Variants in PIK3R1 observed in about 807,000 individuals in gnomAD.
PIK3R1 encodes the protein phosphoinositide-3-kinase regulatory subunit 1.
A neutral mutation model predicts 98.0 loss-of-function variants in PIK3R1; 29 were observed. The ratio of observed to expected loss-of-function variants is 0.30; its 90% CI spans 0.22 to 0.40. The LOEUF is 0.40. Among genes scored for constraint, PIK3R1 ranks in the 10% least tolerant of loss-of-function variants. PIK3R1 has a pLI of 1.00. For synonymous variants in PIK3R1, 282 were observed against 311.8 expected (o/e 0.90, Z 1.01); for missense variants, 596 against 872.7 (o/e 0.68, Z 3.99).
intron 2 of PIK3R1, among the ~76,000 whole-genome samples, chr5:68,233,922 CT>C (rs1744573985): frequency 1.3e-5 from 2 of 152,102 alleles, no homozygotes; most frequent in African/African-American, 4.8e-5. Context: ...TTGTATTTGT[CT>C]GTCTATCTAT....
At chr5:68,260,548 A>T (rs1358057321) in intron 2 of PIK3R1, among the ~76,000 whole-genome samples, 1 of 152,230 alleles carries the variant, frequency 6.6e-6, no homozygotes, top group Non-Finnish European at 1.5e-5. Flanking sequence ...GGGCCCTTGG[A>T]TGCAGCCGGA....
chr5:68,250,272 G>T (rs1224078077), intron 2 of PIK3R1, among the ~76,000 whole-genome samples: 3 of 152,204 alleles, frequency 2.0e-5, no homozygotes, highest in African/African-American at 7.2e-5. Flanking sequence ...CCACGGGACA[G>T]GGGGTCCTAG....
chr5:68,263,220 C>CAT (rs1452618153), intron 2 of PIK3R1, among the ~76,000 whole-genome samples: 1 of 138,016 alleles, frequency 7.2e-6, no homozygotes, highest in African/African-American at 2.7e-5. Context: ...TATATTTCTA[C>CAT]ATATATATCT....
chr5:68,233,792 T>G (rs898795213), intron 2 of PIK3R1, among the ~76,000 whole-genome samples: 2 of 152,232 alleles, frequency 1.3e-5, no homozygotes, highest in Admixed American at 6.5e-5. Context: ...GCTGCAAACC[T>G]TTGTTTAATT....
chr5:68,291,617 T>C (rs544068018), intron 7 of PIK3R1: 2 of 152,362 alleles, frequency 1.3e-5, no homozygotes, highest in East Asian at 3.9e-4. Context: ...TCATTTTTAA[T>C]CAGACCTAGT....
intron 2 of PIK3R1, among the ~76,000 whole-genome samples, chr5:68,271,042 T>G (rs1466637001): frequency 1.3e-5 from 2 of 152,246 alleles, no homozygotes; most frequent in Non-Finnish European, 2.9e-5. Flanking sequence ...CTGGATTTTT[T>G]CATAGGATCA....
In PIK3R1 at chr5:68,226,644, C is replaced by A; in HGVS notation, c.-32C>A. On this transcript the variant is annotated 5_prime_UTR_variant, in exon 2 of 16. Coordinates refer to ENST00000521381, the MANE Select transcript of PIK3R1 (RefSeq NM_181523.3). ...AATCAGACTGCTCTGTACAACCAGG[C>A]TCAACTGTTGCATGGTAGCAGATTT... 6.4e-7 allele frequency: 1 copy of A among 1,560,790 alleles called. No individual in the cohort carries two copies. Among genetic ancestry groups the A allele is most frequent in the Non-Finnish European group, 8.8e-7 (1 of 1,135,018 alleles).
chr5:68,292,759 TTC>T, intron 8 of PIK3R1: 1 of 1,271,850 alleles, frequency 7.9e-7, no homozygotes, highest in Non-Finnish European at 1.0e-6. Flanking sequence ...GATCATGAGT[TTC>T]TGTGCTCATT....
At chr5:68,290,691 T>C (rs759033693) in intron 7 of PIK3R1, 59 of 1,589,568 alleles carry the variant, frequency 3.7e-5, no homozygotes, top group Non-Finnish European at 5.0e-5. Context: ...CGGACTCTTT[T>C]CTTATAACTG....
At chr5:68,225,691 C>T (rs56232972) in intron 1 of PIK3R1, among the ~76,000 whole-genome samples, 3,640 of 152,272 alleles carry the variant, frequency 0.024, 52 homozygotes, top group East Asian at 0.035. Flanking sequence ...GCTCTGATCC[C>T]GTTGCTCACT....
At position 68,238,007 on chromosome 5, in the gene PIK3R1, T is replaced by C. The variant is rs1182140479; in HGVS notation, c.334+10998T>C. Among the ~76,000 whole-genome samples the C allele has an allele frequency of 3.3e-5, 5 of 152,154 alleles. No individual in the cohort carries two copies. The East Asian group carries it at 9.6e-4, about 29-fold the overall frequency. On this transcript the variant is annotated intron_variant, in intron 2 of 15. Coordinates refer to ENST00000521381, the MANE Select transcript of PIK3R1 (RefSeq NM_181523.3). ...AACCAGAGAGAGCTGGAATGGTAAG[T>C]TAGGGGCTATTACTGTTATATTCTG...
At chr5:68,247,910 C>A (rs1745162997) in intron 2 of PIK3R1, among the ~76,000 whole-genome samples, 1 of 152,074 alleles carries the variant, frequency 6.6e-6, no homozygotes, top group South Asian at 2.1e-4. Context: ...GCCCCAGAGT[C>A]ATTGAATGTC....
At chr5:68,279,192 C>T (rs905703202) in intron 4 of PIK3R1, among the ~76,000 whole-genome samples, 1 of 152,156 alleles carries the variant, frequency 6.6e-6, no homozygotes, top group Non-Finnish European at 1.5e-5. Context: ...AACTTACATG[C>T]AGTCACTTTC....
chr5:68,295,877 G>A (rs1747684779), intron 14 of PIK3R1: 1 of 467,732 alleles, frequency 2.1e-6, no homozygotes, highest in Middle Eastern at 5.7e-4. Flanking sequence ...GATCTAAACT[G>A]GATAAACGAG....
intron 4 of PIK3R1, among the ~76,000 whole-genome samples, chr5:68,276,013 T>C (rs529418136): frequency 2.6e-5 from 4 of 152,190 alleles, no homozygotes; most frequent in Non-Finnish European, 5.9e-5. Flanking sequence ...CTCAGGTAAA[T>C]AATTTCTTTC....
intron 2 of PIK3R1, among the ~76,000 whole-genome samples, chr5:68,228,589 T>C (rs533307753): frequency 6.6e-6 from 1 of 152,340 alleles, no homozygotes; most frequent in South Asian, 2.1e-4. Flanking sequence ...ATCGTTTTTC[T>C]CCACCAAGTT....
intron 2 of PIK3R1, among the ~76,000 whole-genome samples, chr5:68,262,670 TAG>T (rs1745846387): frequency 8.0e-6 from 1 of 125,718 alleles, no homozygotes; most frequent in African/African-American, 3.4e-5. Flanking sequence ...TATACACATG[TAG>T]ATACATGTAT....
chr5:68,293,509 A>G, intron 10 of PIK3R1, 26 bp downstream of exon 10: 2 of 1,542,010 alleles, frequency 1.3e-6, no homozygotes, highest in Non-Finnish European at 1.8e-6. Flanking sequence ...TGAATTATCC[A>G]GTTACGATGT....
At chr5:68,267,852 A>G (rs1746187643) in intron 2 of PIK3R1, among the ~76,000 whole-genome samples, 1 of 152,196 alleles carries the variant, frequency 6.6e-6, no homozygotes, top group South Asian at 2.1e-4. Context: ...TTATATATAC[A>G]AAGGCAAAAT....
Sources: gnomAD v4.1 joint callset for allele counts (sites outside exome capture counted in the v4.1 genomes callset) on GRCh38, gnomAD v4.1.1 for gene constraint, MANE v1.5 for transcripts, NCBI Gene and HGNC (gene_info 2026-07-23, HGNC 2026-07-21) for gene names.